Variants in KIF7 observed in about 807,000 individuals in gnomAD.
The protein encoded by KIF7 is kinesin family member 7, also known as kinesin-like protein KIF7.
A neutral mutation model predicts 135.7 loss-of-function variants in KIF7; 104 were observed. The ratio of observed to expected loss-of-function variants is 0.77; its 90% CI spans 0.65 to 0.90. The LOEUF (loss-of-function observed/expected upper bound fraction) is 0.90, where lower values mean the gene tolerates loss of function less well. KIF7 is among the 40% of genes least tolerant of loss of function. The pLI is 0.00. For missense variants in KIF7, 2,005 were observed against 1,839.1 expected, an observed-to-expected ratio of 1.09 and a Z score of -1.65; for synonymous variants, 883 against 809.4, an observed-to-expected ratio of 1.09 and a Z score of -1.54.
At chr15:89,626,958 G>A, downstream of KIF7, 2 of 1,613,748 alleles carry the variant, frequency 1.2e-6, no homozygotes, top group Non-Finnish European at 1.7e-6. Context: ...TCTTCTAGAT[G>A]AGGATGTGGA....
At position 89,648,331 on chromosome 15, in the gene KIF7, G is replaced by C; in HGVS notation, c.1367C>G (p.Ser456Cys). The C allele has an allele frequency of 5.3e-6, 8 of 1,505,544 alleles. No homozygotes were observed. The highest frequency in any genetic ancestry group is 7.1e-6 in the Non-Finnish European group (8 of 1,129,042). The allele number at this position is 1,505,544 out of a possible 1,614,324, so 93.3% of individuals were successfully genotyped here. The change falls in exon 5 of 19, where the codon TCC (serine) becomes TGC (cysteine). Residue 456 changes from serine (S) to cysteine (C), a missense_variant. By Grantham distance (112) the Ser-to-Cys change is moderately radical. Coordinates refer to ENST00000394412, the MANE Select transcript of KIF7 (RefSeq NM_198525.3). ...GATGCCGCTATCGGGCCCGGAGGCG[G>C]AGCTCAGGGCGCTGCGCTCGCCCTC... Reference protein sequence around the residue: ...AVEGERSALSSASGPDSGIES... With the variant: ...AVEGERSALSCASGPDSGIES...
At chr15:89,619,609 T>C (rs1555422159) in intron 1 of KIF7, 2 of 1,252,048 alleles carry the variant, frequency 1.6e-6, no homozygotes, top group Non-Finnish European at 2.2e-6. Flanking sequence ...TTCCATCTTA[T>C]ATGTGGTACT....
At chr15:89,630,556 G>A in intron 15 of KIF7, 63 bp from the exon 16 acceptor site, 2 of 1,367,910 alleles carry the variant, frequency 1.5e-6, no homozygotes, top group South Asian at 1.2e-5. Flanking sequence ...GTCCTGGGCA[G>A]ACATGCAACA....
the KIF7 span, among the ~76,000 whole-genome samples, chr15:89,661,322 C>G: frequency 2.0e-5 from 3 of 152,104 alleles, no homozygotes; most frequent in African/African-American, 7.2e-5. Context: ...CATATAATCA[C>G]ACTTAAATAA....
At chr15:89,635,061 G>C (rs1273112162) in intron 11 of KIF7, among the ~76,000 whole-genome samples, 3 of 152,046 alleles carry the variant, frequency 2.0e-5, no homozygotes, top group Non-Finnish European at 2.9e-5. Context: ...CCCCCAGCAG[G>C]GGCAGACTGA....
intron 6 of KIF7, 86 bp downstream of exon 6, chr15:89,647,510 T>G: frequency 1.7e-6 from 2 of 1,198,778 alleles, no homozygotes; most frequent in Non-Finnish European, 2.5e-6. Flanking sequence ...CTACCCTAAC[T>G]CCCTCCCATC....
At chr15:89,621,536 C>A in intron 1 of KIF7, 7 of 1,611,722 alleles carry the variant, frequency 4.3e-6, no homozygotes, top group Non-Finnish European at 5.9e-6. Flanking sequence ...TTCGGAGGTA[C>A]CTGCAGCTTA....
intron 11 of KIF7, among the ~76,000 whole-genome samples, chr15:89,635,075 C>T (rs2142004975): frequency 6.6e-6 from 1 of 152,124 alleles, no homozygotes; most frequent in East Asian, 1.9e-4. Flanking sequence ...AGACTGACAC[C>T]TCACACGGCC....
chr15:89,645,869 G>T, intron 8 of KIF7, 24 bp downstream of exon 8: 1 of 1,611,496 alleles, frequency 6.2e-7, no homozygotes, highest in Non-Finnish European at 8.5e-7. Context: ...TCCTTGTCAG[G>T]TGGGGGCAGT....
chr15:89,642,783 G>GA (rs1416532503), intron 10 of KIF7, among the ~76,000 whole-genome samples: 1 of 152,100 alleles, frequency 6.6e-6, no homozygotes, highest in Non-Finnish European at 1.5e-5. Flanking sequence ...TGGCCAGGCT[G>GA]GTCTCGAACT....
chr15:89,639,789 T>C (rs1963883272), intron 11 of KIF7, among the ~76,000 whole-genome samples: 1 of 150,610 alleles, frequency 6.6e-6, no homozygotes, highest in African/African-American at 2.5e-5. Flanking sequence ...ATCCCATTAC[T>C]GGGTATATAC....
rs886823268 is a variant in KIF7, at chr15:89,648,744, G to A, written c.954C>T (p.Ala318=). 3.9e-6 allele frequency: 6 copies of A among 1,536,030 alleles called. No individual in the cohort carries two copies. The highest frequency in any genetic ancestry group is 4.4e-6 in the Non-Finnish European group (5 of 1,146,274). ...TGACGCAGGCGATCATCACCGTCTT[G>A]GCGTTCCCGCCCAGCGAGTCTTTGA... ...RILKDSLGGN[A]KTVMIACVSP... Residue 318 remains alanine, a synonymous_variant, in exon 5 of 19, where the codon GCC becomes GCT. Coordinates refer to ENST00000394412, the MANE Select transcript of KIF7 (RefSeq NM_198525.3).
intron 14 of KIF7, among the ~76,000 whole-genome samples, 172 bp downstream of exon 14, chr15:89,632,648 C>G (rs960514788): frequency 1.3e-5 from 2 of 152,112 alleles, no homozygotes; most frequent in Admixed American, 1.3e-4. Flanking sequence ...CTGTCTAGAC[C>G]TCGCCTGGCA....
intron 14 of KIF7, among the ~76,000 whole-genome samples, 182 bp downstream of exon 14, chr15:89,632,638 C>G (rs1288640880): frequency 6.6e-6 from 1 of 152,162 alleles, no homozygotes; most frequent in African/African-American, 2.4e-5. Flanking sequence ...AGAAACTCTC[C>G]TGTCTAGACC....
chr15:89,627,317 A>G (rs549610579), downstream of KIF7: 1 of 513,278 alleles, frequency 1.9e-6, no homozygotes, highest in African/African-American at 1.9e-5. Context: ...TTGGTGCTAT[A>G]ACTCAGGCAG....
At chr15:89,638,203 C>CA (rs989168732) in intron 11 of KIF7, among the ~76,000 whole-genome samples, 3 of 100,614 alleles carry the variant, frequency 3.0e-5, no homozygotes, top group African/African-American at 3.7e-5. Flanking sequence ...TCATAATGGG[C>CA]AAAAACTGGA....
At chr15:89,629,875 T>C (rs1372508032) in intron 16 of KIF7, 3 of 539,572 alleles carry the variant, frequency 5.6e-6, no homozygotes, top group Admixed American at 3.2e-5. Context: ...CTCAGCACTA[T>C]GGACATCTGG....
downstream of KIF7, chr15:89,624,698 A>AT: frequency 6.2e-7 from 1 of 1,614,108 alleles, no homozygotes; most frequent in Non-Finnish European, 8.5e-7. Flanking sequence ...GACACAGAGC[A>AT]TGTCACTCTC....
chr15:89,654,905 AATACCGTGTG>A (rs984538087), intron 1 of KIF7, among the ~76,000 whole-genome samples: 9 of 152,244 alleles, frequency 5.9e-5, no homozygotes, highest in Admixed American at 2.0e-4. Context: ...TCTGCCTCGC[AATACCGTGTG>A]GGCCTTCGCG....
Sources: allele counts gnomAD v4.1 joint callset (sites outside exome capture counted in the v4.1 genomes callset), GRCh38; gene constraint gnomAD v4.1.1; transcripts MANE v1.5; gene names NCBI Gene and HGNC (gene_info 2026-07-23, HGNC 2026-07-21).